The following JPH3 variants were observed in gnomAD, a reference collection of about 807,000 sequenced individuals.
JPH3 encodes the protein junctophilin 3, also known as junctophilin-3.
JPH3 carries 11 observed loss-of-function variants against 59.6 expected under a neutral mutation model. That is an observed-to-expected ratio of 0.18 (90% confidence interval 0.12 to 0.31). The LOEUF (loss-of-function observed/expected upper bound fraction) is 0.31, where lower values mean the gene tolerates loss of function less well. JPH3 is among the 10% of genes least tolerant of loss of function. The pLI is 1.00. For synonymous variants in JPH3, 673 were observed against 483.6 expected, an observed-to-expected ratio of 1.39 and a Z score of -5.14; for missense variants, 1,202 against 1,105.7, an observed-to-expected ratio of 1.09 and a Z score of -1.24.
At chr16:87,658,760 C>G (rs73238293) in intron 2 of JPH3, among the ~76,000 whole-genome samples, 1,832 of 152,348 alleles carry the variant, frequency 0.012, 41 homozygotes, top group African/African-American at 0.04. Flanking sequence ...CCCCTCTCTC[C>G]TCCAGCCACC....
chr16:87,626,242 A>G (rs1597243757), intron 1 of JPH3, among the ~76,000 whole-genome samples: 2 of 152,194 alleles, frequency 1.3e-5, no homozygotes, highest in Admixed American at 1.3e-4. Context: ...ATCCTGTGAT[A>G]TTTCATTGTG....
chr16:87,628,520 T>C (rs2031457670), intron 1 of JPH3, among the ~76,000 whole-genome samples: 1 of 152,220 alleles, frequency 6.6e-6, no homozygotes, highest in Non-Finnish European at 1.5e-5. Context: ...AGAATATTCC[T>C]ACAGAGTGTG....
chr16:87,662,350 C>T (rs1033007379), intron 2 of JPH3, among the ~76,000 whole-genome samples: 4 of 152,176 alleles, frequency 2.6e-5, no homozygotes, highest in Middle Eastern at 3.2e-3. Flanking sequence ...GCAGCACATT[C>T]TGCATCTCCC....
At chr16:87,685,746 G>A (rs746272121) in intron 3 of JPH3, among the ~76,000 whole-genome samples, 17 of 152,232 alleles carry the variant, frequency 1.1e-4, no homozygotes, top group African/African-American at 3.4e-4. Context: ...CCCTGCCTGC[G>A]ACTCACATTC....
rs1237676652 is a variant in JPH3 at position 87,602,753 on chromosome 16, C to T, written c.-394C>T. 7.3e-6 allele frequency: 1 copy of T among 136,094 alleles called. No homozygotes were observed. The highest frequency in any genetic ancestry group is 1.6e-5 in the Non-Finnish European group (1 of 61,312). The allele number at this position is 136,094 out of a possible 1,614,324, so 8.4% of individuals were successfully genotyped here. On this transcript the variant is annotated 5_prime_UTR_variant, in exon 1 of 5. Coordinates refer to ENST00000284262, the MANE Select transcript of JPH3 (RefSeq NM_020655.4). ...GCCGCGGCCCGGGCCTGAGCTGCCC[C>T]CCGCCCGGCCTCGGCGCGGCGCCCT...
chr16:87,683,997 G>A, intron 2 of JPH3, 145 bp from the exon 3 acceptor site: 1 of 625,020 alleles, frequency 1.6e-6, no homozygotes. Context: ...GAACGAACAA[G>A]ATCCAGAAGT....
At chr16:87,636,436 G>A (rs825584) in intron 1 of JPH3, among the ~76,000 whole-genome samples, 112,260 of 152,122 alleles carry the variant, frequency 0.74, 42,091 homozygotes, top group Non-Finnish European at 0.82. Flanking sequence ...CAATAGCTCC[G>A]TCACAGTGGC....
chr16:87,683,840 AAG>A (rs1289779160), intron 2 of JPH3: 1 of 317,096 alleles, frequency 3.2e-6, no homozygotes, highest in East Asian at 7.2e-5. Context: ...GCCTGAGCTC[AAG>A]CGATCTTCCT....
chr16:87,683,713 C>T (rs62053831), intron 2 of JPH3, among the ~76,000 whole-genome samples: 18 of 152,142 alleles, frequency 1.2e-4, no homozygotes, highest in African/African-American at 1.7e-4. Context: ...TTCAAGCAAT[C>T]CTCCTGCCTC....
intron 1 of JPH3, among the ~76,000 whole-genome samples, chr16:87,623,695 C>G (rs2031271787): frequency 1.3e-5 from 2 of 152,214 alleles, no homozygotes; most frequent in Non-Finnish European, 2.9e-5. Context: ...AAATCTGAGG[C>G]CCCATCTCTG....
intron 2 of JPH3, among the ~76,000 whole-genome samples, chr16:87,681,635 G>A (rs527952410): frequency 2.1e-4 from 30 of 139,842 alleles, no homozygotes; most frequent in East Asian, 6.8e-4. Context: ...GCGCGCGGTC[G>A]TGACAGTGCC....
chr16:87,684,317 T>A, intron 3 of JPH3, 51 bp downstream of exon 3: 6 of 1,601,042 alleles, frequency 3.7e-6, no homozygotes, highest in Non-Finnish European at 5.1e-6. Flanking sequence ...GGTGCGTGGA[T>A]GGCTGGGCAG....
At chr16:87,635,653 C>T (rs1464561721) in intron 1 of JPH3, among the ~76,000 whole-genome samples, 1 of 152,240 alleles carries the variant, frequency 6.6e-6, no homozygotes, top group Non-Finnish European at 1.5e-5. Context: ...TGTGGGGACG[C>T]AGCTGTGGCT....
chr16:87,691,162 G>T (rs78776854), intron 4 of JPH3, among the ~76,000 whole-genome samples: 1 of 151,852 alleles, frequency 6.6e-6, no homozygotes, highest in Non-Finnish European at 1.5e-5. Context: ...TAGACTCGGC[G>T]CGAGGCTGGG....
rs189296101 is a variant in JPH3 at position 87,623,385 on chromosome 16, C to T, written c.382+19857C>T. On this transcript the variant is annotated intron_variant, in intron 1 of 4. Coordinates refer to ENST00000284262, the MANE Select transcript of JPH3 (RefSeq NM_020655.4). ...GGGCGTGAGGCTCATGGGGGGCTCCCCAGCCAGGGCAGGACCTGGGGTAAC... is the reference window on the plus strand; with the variant it reads ...GGGCGTGAGGCTCATGGGGGGCTCCTCAGCCAGGGCAGGACCTGGGGTAAC... 7.3e-3 allele frequency among the ~76,000 whole-genome samples: 1,109 copies of T among 152,264 alleles called. 8 individuals carry two copies. Among genetic ancestry groups the T allele is most frequent in the South Asian group, 0.016 (76 of 4,826 alleles).
chr16:87,656,698 G>A (rs1375913019), intron 2 of JPH3, among the ~76,000 whole-genome samples: 2 of 152,304 alleles, frequency 1.3e-5, no homozygotes, highest in African/African-American at 2.4e-5. Context: ...GAGGAGGAAC[G>A]GGGGCCCCTA....
chr16:87,649,971 G>A (rs146457752), intron 2 of JPH3, among the ~76,000 whole-genome samples: 2,161 of 152,326 alleles, frequency 0.014, 29 homozygotes, highest in Non-Finnish European at 0.02. Flanking sequence ...GCTGTGAAGG[G>A]ATGCCAAGGG....
chr16:87,696,442 A>G (rs1248789141), intron 4 of JPH3, 138 bp from the exon 5 acceptor site: 2 of 707,948 alleles, frequency 2.8e-6, no homozygotes, highest in South Asian at 1.6e-5. Context: ...TTGGTGTCCA[A>G]GCGTTTCTAA....
chr16:87,613,158 G>A (rs1273759862), intron 1 of JPH3, among the ~76,000 whole-genome samples: 6 of 141,758 alleles, frequency 4.2e-5, no homozygotes, highest in Non-Finnish European at 6.1e-5. Flanking sequence ...GTGCAGTGGC[G>A]CGATCTCGGC....
Sources: allele counts gnomAD v4.1 joint callset (sites outside exome capture counted in the v4.1 genomes callset), GRCh38; gene constraint gnomAD v4.1.1; transcripts MANE v1.5; gene names NCBI Gene and HGNC (gene_info 2026-07-23, HGNC 2026-07-21).